Variants in MTUS2 observed in about 807,000 individuals in gnomAD.
MTUS2 encodes microtubule associated scaffold protein 2.
A neutral mutation model predicts 114.1 loss-of-function variants in MTUS2; 40 were observed. The ratio of observed to expected loss-of-function variants is 0.35; its 90% CI spans 0.27 to 0.46. The LOEUF is 0.46. MTUS2 is among the 20% of genes least tolerant of loss of function. The pLI is 1.00. For synonymous variants in MTUS2, 688 were observed against 672.0 expected, an observed-to-expected ratio of 1.02 and a Z score of -0.37; for missense variants, 1,679 against 1,705.4, an observed-to-expected ratio of 0.98 and a Z score of 0.27.
intron 9 of MTUS2, among the ~76,000 whole-genome samples, chr13:29,469,058 AG>A (rs760853485): frequency 4.6e-5 from 7 of 152,168 alleles, no homozygotes; most frequent in Admixed American, 6.5e-5. Flanking sequence ...TAGGACAGAA[AG>A]GGGCTGAATA....
intron 7 of MTUS2, among the ~76,000 whole-genome samples, chr13:29,356,502 G>A (rs1223555692): frequency 6.6e-6 from 1 of 152,216 alleles, no homozygotes; most frequent in East Asian, 1.9e-4. Flanking sequence ...TGTCCCCAAG[G>A]TGGCAGTGAG....
chr13:28,950,730 T>C (rs527468379), intron 2 of MTUS2, among the ~76,000 whole-genome samples: 1 of 152,256 alleles, frequency 6.6e-6, no homozygotes, highest in Non-Finnish European at 1.5e-5. Context: ...CCCAAAACAG[T>C]ATAATAGTAA....
In MTUS2 at chr13:29,186,205, C is replaced by T. The variant is rs535465519; in HGVS notation, c.2644+85235C>T. On this transcript the variant is annotated intron_variant, in intron 5 of 15. Coordinates refer to ENST00000612955, the MANE Select transcript of MTUS2 (RefSeq NM_001033602.4). Reference sequence around the variant, plus strand: ...CTCCTGCCTGGGCAACTGAGTGAGACCTTGTTTCCAAAAGAATTTTTTTAA... The same window carrying T: ...CTCCTGCCTGGGCAACTGAGTGAGATCTTGTTTCCAAAAGAATTTTTTTAA... Among the ~76,000 whole-genome samples, 3 of 152,258 alleles carry T rather than the reference C, an allele frequency of 2.0e-5. No homozygotes were observed. In the South Asian group the frequency reaches 6.2e-4, roughly 32 times the overall value.
chr13:29,301,247 C>T (rs1899193414), intron 6 of MTUS2, among the ~76,000 whole-genome samples: 1 of 152,180 alleles, frequency 6.6e-6, no homozygotes, highest in South Asian at 2.1e-4. Flanking sequence ...CCTGCAGCAG[C>T]TCTCATTGCC....
At chr13:28,894,919 C>T (rs1034172573) in intron 2 of MTUS2, among the ~76,000 whole-genome samples, 5 of 152,054 alleles carry the variant, frequency 3.3e-5, no homozygotes, top group African/African-American at 1.2e-4. Context: ...AATGAATTGG[C>T]TAATTTATGA....
intron 2 of MTUS2, among the ~76,000 whole-genome samples, chr13:28,862,415 A>G (rs1188944688): frequency 6.6e-6 from 1 of 152,222 alleles, no homozygotes; most frequent in East Asian, 1.9e-4. Flanking sequence ...GTTTGAGACC[A>G]GCCTGGCCAA....
chr13:29,172,889 G>T (rs1441724006), intron 5 of MTUS2, among the ~76,000 whole-genome samples: 3 of 152,112 alleles, frequency 2.0e-5, no homozygotes, highest in Non-Finnish European at 4.4e-5. Context: ...CTTTATATTG[G>T]TCCTGCAAAT....
chr13:29,037,245 GATTTT>G (rs1887124010), intron 4 of MTUS2, among the ~76,000 whole-genome samples: 1 of 152,174 alleles, frequency 6.6e-6, no homozygotes, highest in African/African-American at 2.4e-5. Context: ...GTCTGTCAAG[GATTTT>G]ATTTCTCCTT....
At chr13:29,104,133 A>G (rs1028708976) in intron 5 of MTUS2, among the ~76,000 whole-genome samples, 9 of 152,172 alleles carry the variant, frequency 5.9e-5, no homozygotes, top group Non-Finnish European at 8.8e-5. Flanking sequence ...GCCCAACCCC[A>G]TTGAGCAGAG....
At chr13:29,385,262 C>T (rs1872556471) in intron 8 of MTUS2, among the ~76,000 whole-genome samples, 2 of 152,296 alleles carry the variant, frequency 1.3e-5, no homozygotes, top group South Asian at 2.1e-4. Context: ...ATTTCATTGT[C>T]CCTGTGGTCC....
chr13:29,044,117 ACTT>A (rs908025871), intron 4 of MTUS2, among the ~76,000 whole-genome samples: 1 of 151,810 alleles, frequency 6.6e-6, no homozygotes, highest in African/African-American at 2.4e-5. Context: ...TGCCTGAAGG[ACTT>A]CTTTTAACAT....
chr13:29,289,464 CTT>C (rs532952669), intron 6 of MTUS2, among the ~76,000 whole-genome samples: 13 of 139,676 alleles, frequency 9.3e-5, no homozygotes, highest in Admixed American at 7.2e-5. Context: ...GTAGGCATTT[CTT>C]TTTTTTTTTT....
chr13:29,203,363 C>T (rs757130707), intron 5 of MTUS2, among the ~76,000 whole-genome samples: 22 of 152,104 alleles, frequency 1.4e-4, no homozygotes, highest in Non-Finnish European at 2.6e-4. Flanking sequence ...CCCCTTTCTC[C>T]ACCAAGCTCC....
Position 28,851,282 on chromosome 13 carries a change from C to T in MTUS2, c.-243+11432C>T, listed in dbSNP as rs149936563. Among the ~76,000 whole-genome samples, 64 of 152,316 alleles carry T rather than the reference C, an allele frequency of 4.2e-4. No homozygotes were observed. In the East Asian group the frequency reaches 0.012, roughly 29 times the overall value. ...AAATGCAGGCCTGGTGATTCTGAAA[C>T]ATTCAAAATTATGTTTTTAAATGCC... is the stretch of plus-strand genomic sequence containing the variant. On this transcript the variant is annotated intron_variant, in intron 2 of 15. Transcript: ENST00000612955.
chr13:28,992,059 C>T (rs1312531059), intron 2 of MTUS2, among the ~76,000 whole-genome samples: 2 of 152,202 alleles, frequency 1.3e-5, no homozygotes, highest in Non-Finnish European at 2.9e-5. Context: ...CTTTGTGGGC[C>T]TGGGAAATTT....
intron 5 of MTUS2, among the ~76,000 whole-genome samples, chr13:29,143,257 A>G (rs1052952032): frequency 2.6e-5 from 4 of 152,222 alleles, no homozygotes; most frequent in African/African-American, 9.6e-5. Flanking sequence ...TGGAAATACT[A>G]GTAGAAAAAA....
intron 5 of MTUS2, among the ~76,000 whole-genome samples, chr13:29,194,873 A>G (rs1466687063): frequency 2.0e-5 from 3 of 151,118 alleles, no homozygotes; most frequent in Non-Finnish European, 4.4e-5. Flanking sequence ...AGACTGGATT[A>G]AGAAAATGTG....
At chr13:29,389,489 A>ATGTATACACGTGTG (rs1566173259) in intron 8 of MTUS2, among the ~76,000 whole-genome samples, 3 of 113,988 alleles carry the variant, frequency 2.6e-5, no homozygotes, top group African/African-American at 1.0e-4. Flanking sequence ...ACGTGTGTGT[A>ATGTATACACGTGTG]TGTGTATATA....
At chr13:29,424,115 A>G (rs1402817527) in intron 8 of MTUS2, among the ~76,000 whole-genome samples, 1 of 151,072 alleles carries the variant, frequency 6.6e-6, no homozygotes, top group East Asian at 2.0e-4. Context: ...TGATCTGCCC[A>G]CCTCGGCCTC....
Sources: allele counts gnomAD v4.1 joint callset (sites outside exome capture counted in the v4.1 genomes callset), GRCh38; gene constraint gnomAD v4.1.1; transcripts MANE v1.5; gene names NCBI Gene and HGNC (gene_info 2026-07-23, HGNC 2026-07-21).